TCERG1: variants seen among roughly 807,000 people sequenced by gnomAD.
TCERG1 encodes the protein TATA box binding protein (TBP)-associated factor, RNA polymerase II, S, 150kD.
TCERG1 carries 37 observed loss-of-function variants against 144.7 expected under a neutral mutation model. That is an observed-to-expected ratio of 0.26 (90% CI 0.20 to 0.34). The LOEUF is 0.34. Among genes scored for constraint, TCERG1 ranks in the 10% least tolerant of loss-of-function variants. The pLI is 1.00. For missense variants in TCERG1, 1,027 were observed against 1,380.7 expected (o/e 0.74, Z 4.06); for synonymous variants, 492 against 458.2 (o/e 1.07, Z -0.94).
Position 146,480,082 on chromosome 5 carries a change from C to T in TCERG1, c.1874C>T (p.Ala625Val), listed in dbSNP as rs1561671742. Residue 625 changes from alanine to valine, a missense_variant, in exon 12 of 23, where the codon GCA (alanine) becomes GTA (valine). By Grantham distance (64) the Ala-to-Val change is moderately conservative. Around this residue, in one of 6 missense-constraint regions of TCERG1, gnomAD observed 482 missense variants for 632.6 expected, o/e 0.76. Coordinates refer to ENST00000679501, the MANE Select transcript of TCERG1 (RefSeq NM_001382548.1). Reference protein sequence around the residue: ...EEINEDEPVKAKKRKRMSKKS... With the variant: ...EEINEDEPVKVKKRKRMSKKS... ...ATTAATGAAGATGAGCCTGTTAAAG[C>T]AAAAAAACGGAAGTAAGTAATACAT... 1 of 1,590,164 alleles carries T rather than the reference C, an allele frequency of 6.3e-7. No individual in the cohort carries two copies. The highest frequency in any genetic ancestry group is 1.8e-5 in the Admixed American group (1 of 55,322).
chr5:146,466,207 G>A (rs1458856978), intron 5 of TCERG1, among the ~76,000 whole-genome samples: 1 of 152,100 alleles, frequency 6.6e-6, no homozygotes. Flanking sequence ...TACAAACAAT[G>A]AGATTTGTGT....
intron 4 of TCERG1, among the ~76,000 whole-genome samples, chr5:146,461,780 A>C (rs1763350857): frequency 6.6e-6 from 1 of 152,162 alleles, no homozygotes; most frequent in Non-Finnish European, 1.5e-5. Flanking sequence ...TGGGACTAAA[A>C]ATTAAGAATA....
At position 146,457,296 on chromosome 5, in the gene TCERG1, G is replaced by A. The variant is rs765943421; in HGVS notation, c.399G>A (p.Thr133=). 33 of 1,613,412 alleles carry A rather than the reference G, an allele frequency of 2.0e-5. 1 individual carries two copies. The Admixed American group carries it at 3.8e-4, about 19-fold the overall frequency. The change falls in exon 3 of 23, where the codon ACG becomes ACA. Residue 133 remains threonine (T), a synonymous_variant. Transcript: ENST00000679501. ...TAPGTPALPP[T]EEIWVENKTP... ...CTGGTACTCCAGCACTACCTCCTACGGAGGAGATATGGGTTGAAAATAAAA... is the reference window on the plus strand; with the variant it reads ...CTGGTACTCCAGCACTACCTCCTACAGAGGAGATATGGGTTGAAAATAAAA...
At chr5:146,491,856 A>G (rs1405478251) in intron 15 of TCERG1, among the ~76,000 whole-genome samples, 1 of 152,212 alleles carries the variant, frequency 6.6e-6, no homozygotes, top group African/African-American at 2.4e-5. Context: ...AGACATACGT[A>G]AGGGTATAAG....
At position 146,507,240 on chromosome 5, in the gene TCERG1, G is replaced by T. The variant is rs765603524; in HGVS notation, c.2961+33G>T. 1 of 1,518,864 alleles carries T rather than the reference G, an allele frequency of 6.6e-7. No homozygotes were observed. Among genetic ancestry groups the T allele is most frequent in the Admixed American group, 2.2e-5 (1 of 45,372 alleles). 94.1% of individuals were successfully genotyped at this position (1,518,864 alleles called of 1,614,324 possible). On this transcript the variant is annotated intron_variant, in intron 20 of 22. Transcript: ENST00000679501. The surrounding 1 kb of genome is among the most constrained non-coding windows in gnomAD (Gnocchi z 4.6). ...TCTCTTATTTTTCTCATTTTAATCTGGATGAATCTTGTTAGTAATTTCTTA... is the reference window on the plus strand; with the variant it reads ...TCTCTTATTTTTCTCATTTTAATCTTGATGAATCTTGTTAGTAATTTCTTA...
intron 5 of TCERG1, among the ~76,000 whole-genome samples, chr5:146,467,784 T>G (rs1359445851): frequency 6.6e-6 from 1 of 152,220 alleles, no homozygotes; most frequent in African/African-American, 2.4e-5. Context: ...TTTCTTTTAT[T>G]TAAAGTATTA....
rs558514493 is a variant in TCERG1, at chr5:146,450,459, G to A, written c.59+3051G>A. 6.6e-5 allele frequency among the ~76,000 whole-genome samples: 10 copies of A among 152,256 alleles called. 1 individual carries two copies. The highest frequency in any genetic ancestry group is 2.1e-4 in the South Asian group (1 of 4,822). The stretch of plus-strand genomic sequence containing the variant: ...TACAGGGCCTGATATAATAATTATA[G>A]TAATAATAGCTAACATTACTAATAT... On this transcript the variant is annotated intron_variant, in intron 1 of 22. Transcript: ENST00000679501.
intron 15 of TCERG1, among the ~76,000 whole-genome samples, chr5:146,487,341 T>C (rs1765935548): frequency 6.6e-6 from 1 of 152,114 alleles, no homozygotes; most frequent in Admixed American, 6.6e-5. Context: ...CCCAAGCTCA[T>C]GGATCAGAAT....
At chr5:146,489,067 A>T (rs1160853017) in intron 15 of TCERG1, among the ~76,000 whole-genome samples, 2 of 152,168 alleles carry the variant, frequency 1.3e-5, no homozygotes, top group Non-Finnish European at 2.9e-5. Context: ...ACTTGGGAGG[A>T]TAGGAAGAGA....
In TCERG1 at chr5:146,454,207, A is replaced by AAAAG. The variant is rs1554094283; in HGVS notation, c.60-846_60-845insGAAA. On this transcript the variant is annotated intron_variant, in intron 1 of 22. Coordinates refer to ENST00000679501, the MANE Select transcript of TCERG1 (RefSeq NM_001382548.1). ...AGAGTGAGACTTGGTCTCAAAAAAA[A>AAAAG]AAAAGAAAAGAAAAGAAAGAACATT... Among the ~76,000 whole-genome samples the AAAAG allele has an allele frequency of 1.8e-4, 27 of 149,738 alleles. No homozygotes were observed. The South Asian group carries it at 1.9e-3, about 11-fold the overall frequency.
chr5:146,459,760 A>G (rs574231149), intron 4 of TCERG1, among the ~76,000 whole-genome samples: 91 of 152,340 alleles, frequency 6.0e-4, no homozygotes, highest in Non-Finnish European at 2.2e-4. Flanking sequence ...GAAGTGGATA[A>G]ATGAGTGGGT....
intron 7 of TCERG1, 74 bp downstream of exon 7, chr5:146,469,818 T>A: frequency 9.2e-7 from 1 of 1,089,906 alleles, no homozygotes; most frequent in Non-Finnish European, 1.2e-6. Context: ...AATTCTGAGT[T>A]AATTTCTTTT....
At chr5:146,491,773 T>C (rs1318506408) in intron 15 of TCERG1, among the ~76,000 whole-genome samples, 1 of 152,196 alleles carries the variant, frequency 6.6e-6, no homozygotes, top group East Asian at 1.9e-4. Flanking sequence ...AGATAATTTG[T>C]ATTTTAGGCT....
chr5:146,472,041 A>C (rs927927333), intron 9 of TCERG1, among the ~76,000 whole-genome samples: 10 of 152,216 alleles, frequency 6.6e-5, no homozygotes, highest in Admixed American at 2.0e-4. Context: ...TTCAAAACTG[A>C]AGTTCAATTA....
intron 16 of TCERG1, among the ~76,000 whole-genome samples, chr5:146,497,796 C>T (rs955801705): frequency 5.3e-5 from 8 of 152,158 alleles, no homozygotes; most frequent in African/African-American, 1.9e-4. Context: ...CTTTGTTGGC[C>T]TGATCCTATT....
chr5:146,481,929 C>T (rs1281825971), intron 13 of TCERG1: 1 of 152,070 alleles, frequency 6.6e-6, no homozygotes, highest in East Asian at 1.9e-4. Flanking sequence ...GTTCTAATTC[C>T]ACCTAACTAC....
chr5:146,476,190 C>A (rs1764824047), intron 9 of TCERG1, among the ~76,000 whole-genome samples: 1 of 152,168 alleles, frequency 6.6e-6, no homozygotes. Flanking sequence ...TTTTAGACTT[C>A]TTTGGCAGAC....
intron 14 of TCERG1, 145 bp downstream of exon 14, chr5:146,482,872 C>T: frequency 8.7e-7 from 1 of 1,151,720 alleles, no homozygotes; most frequent in Non-Finnish European, 1.2e-6. Context: ...TTTTTTGCAA[C>T]AGCCTTTTTC....
rs370031501 is a variant in TCERG1, at chr5:146,470,616, T to G, written c.1400-20T>G. On this transcript the variant is annotated intron_variant, in intron 7 of 22. Transcript: ENST00000679501. Reference sequence around the variant, plus strand: ...TTACGTCAAAACCTTTGAGTGACATTATCTTAATTTTTTTCATAGAAAAGT... The same window carrying G: ...TTACGTCAAAACCTTTGAGTGACATGATCTTAATTTTTTTCATAGAAAAGT... 1.5e-5 allele frequency: 24 copies of G among 1,580,070 alleles called. No individual in the cohort carries two copies. Among genetic ancestry groups the G allele is most frequent in the Non-Finnish European group, 2.1e-5 (24 of 1,165,814 alleles).
Sources: allele counts gnomAD v4.1 joint callset (sites outside exome capture counted in the v4.1 genomes callset), GRCh38; gene constraint gnomAD v4.1.1; regional missense constraint gnomAD v4.1.1; non-coding constraint Gnocchi (gnomAD v3.1); transcripts MANE v1.5; gene names NCBI Gene and HGNC (gene_info 2026-07-23, HGNC 2026-07-21).